The following ZC3H11A variants were observed in gnomAD, a reference collection of about 807,000 sequenced individuals.
The protein encoded by ZC3H11A is zinc finger CCCH domain-containing protein 11A.
A neutral mutation model predicts 90.8 loss-of-function variants in ZC3H11A; 22 were observed. That is an observed-to-expected ratio of 0.24 (90% CI 0.17 to 0.35). ZC3H11A has a LOEUF of 0.35. ZC3H11A is among the 10% of genes least tolerant of loss of function. ZC3H11A has a pLI of 1.00. For missense variants in ZC3H11A, 701 were observed against 964.9 expected (o/e 0.73, Z 3.62); for synonymous variants, 294 against 339.8 (o/e 0.87, Z 1.48).
At chr1:203,824,137 G>T (rs1288100733) in intron 4 of ZC3H11A, among the ~76,000 whole-genome samples, 1 of 151,964 alleles carries the variant, frequency 6.6e-6, no homozygotes, top group African/African-American at 2.4e-5. Context: ...GCGTGGTGAC[G>T]CAGCCATGTA....
At chr1:203,844,516 T>C (rs1309645127) in intron 12 of ZC3H11A, among the ~76,000 whole-genome samples, 1 of 152,254 alleles carries the variant, frequency 6.6e-6, no homozygotes, top group East Asian at 1.9e-4. Context: ...TTTAAAAGTT[T>C]GTGTATTATT....
At chr1:203,819,094 A>ACC in intron 4 of ZC3H11A, among the ~76,000 whole-genome samples, 1 of 52,546 alleles carries the variant, frequency 1.9e-5, no homozygotes, top group Non-Finnish European at 5.3e-5. Flanking sequence ...ATATATACAC[A>ACC]CACACACACA....
intron 5 of ZC3H11A, 139 bp downstream of exon 5, chr1:203,828,561 G>C: frequency 9.1e-7 from 1 of 1,095,504 alleles, no homozygotes; most frequent in South Asian, 1.6e-5. Flanking sequence ...TAAGTGAACT[G>C]AATCTTATTA....
intron 4 of ZC3H11A, among the ~76,000 whole-genome samples, chr1:203,819,529 AT>A (rs755259647): frequency 0.66 from 47,767 of 72,648 alleles, 14,569 homozygotes; most frequent in Middle Eastern, 0.76. Context: ...GCTGACTCCA[AT>A]TTTTTTTTTT....
chr1:203,797,820 G>C (rs762047262), intron 1 of ZC3H11A: 2 of 1,536,114 alleles, frequency 1.3e-6, no homozygotes, highest in Middle Eastern at 1.7e-4. Context: ...AGATGCCCCT[G>C]CTTTGTTAGC....
chr1:203,799,987 T>A, intron 1 of ZC3H11A: 1 of 1,536,122 alleles, frequency 6.5e-7, no homozygotes, highest in Non-Finnish European at 8.7e-7. Flanking sequence ...TGTCCCTCAG[T>A]TACAGTGGGA....
At chr1:203,850,265 T>C in intron 15 of ZC3H11A, 1 of 653,838 alleles carries the variant, frequency 1.5e-6, no homozygotes, top group Non-Finnish European at 2.6e-6. Flanking sequence ...GCATCTTTCC[T>C]CTGGTATTGA....
intron 2 of ZC3H11A, chr1:203,806,033 C>A: frequency 1.9e-6 from 1 of 539,970 alleles, no homozygotes; most frequent in South Asian, 1.6e-5. Flanking sequence ...GTGCGATTGT[C>A]CTGCTGCTGC....
chr1:203,814,972 G>A (rs1675776738), intron 2 of ZC3H11A: 1 of 151,966 alleles, frequency 6.6e-6, no homozygotes, highest in African/African-American at 2.4e-5. Context: ...TGGGACTACA[G>A]GTGTGTGCCA....
Position 203,818,668 on chromosome 1 carries a change from G to A in ZC3H11A, c.153G>A (p.Arg51=). The A allele has an allele frequency of 6.2e-7, 1 of 1,614,120 alleles. No individual in the cohort carries two copies. Among genetic ancestry groups the A allele is most frequent in the South Asian group, 1.1e-5 (1 of 91,082 alleles). Residue 51 remains arginine, a synonymous_variant, in exon 4 of 18, where the codon AGG becomes AGA. Transcript: ENST00000367210. ...QEGRCFRQVC[R]FRHMEIDKKR... is the part of the protein sequence containing the mutation. ...GGCGCTGTTTTCGACAGGTGTGCAG[G>A]TTTCGGCACATGGAGATTGATGTAA...
In ZC3H11A at chr1:203,802,734, T is replaced by C. The variant is rs946772760; in HGVS notation, c.-428T>C. 1.4e-5 allele frequency: 2 copies of C among 147,976 alleles called. No individual in the cohort carries two copies. The highest frequency in any genetic ancestry group is 3.1e-5 in the Non-Finnish European group (2 of 65,556). 9.2% of individuals were successfully genotyped at this position (147,976 alleles called of 1,614,324 possible). A position where few individuals can be genotyped will look rare whatever the true frequency, so the allele number is the denominator to read the frequency against. ...GAACTCTTTTTTTTTGTTTTTTTTT[T>C]GTTTTGTTTTGTTTTGTTTTTGAGG... On this transcript the variant is annotated 5_prime_UTR_variant, in exon 2 of 18. Coordinates refer to ENST00000367210, the MANE Select transcript of ZC3H11A (RefSeq NM_001376342.1).
chr1:203,843,731 C>G (rs1206674625), intron 12 of ZC3H11A, among the ~76,000 whole-genome samples: 5 of 152,176 alleles, frequency 3.3e-5, no homozygotes, highest in African/African-American at 9.7e-5. Context: ...TTTTAAATGG[C>G]TGATTTGGGG....
chr1:203,801,297 TA>T (rs1408723560), intron 1 of ZC3H11A: 2 of 152,182 alleles, frequency 1.3e-5, no homozygotes, highest in Non-Finnish European at 2.9e-5. Flanking sequence ...GTAATCTTTT[TA>T]AAAACATACT....
At chr1:203,812,967 A>G (rs765085746) in intron 2 of ZC3H11A, among the ~76,000 whole-genome samples, 73 of 152,150 alleles carry the variant, frequency 4.8e-4, no homozygotes, top group Non-Finnish European at 9.0e-4. Flanking sequence ...TTCCATCTGT[A>G]TACCTTCTTT....
chr1:203,804,852 T>TAA (rs1204215944), intron 2 of ZC3H11A, among the ~76,000 whole-genome samples: 2 of 151,934 alleles, frequency 1.3e-5, no homozygotes, highest in Admixed American at 6.6e-5. Flanking sequence ...TTTGTATTTT[T>TAA]AGTAGAGATG....
chr1:203,808,937 TCTC>T (rs1383521435), intron 2 of ZC3H11A, among the ~76,000 whole-genome samples: 2 of 152,022 alleles, frequency 1.3e-5, no homozygotes, highest in Non-Finnish European at 2.9e-5. Context: ...TTCAGGTGAT[TCTC>T]CTGCCTCAGC....
At chr1:203,817,617 T>C (rs1450132655) in intron 3 of ZC3H11A, among the ~76,000 whole-genome samples, 1 of 152,132 alleles carries the variant, frequency 6.6e-6, no homozygotes, top group Non-Finnish European at 1.5e-5. Context: ...TGGCTTAATC[T>C]TTGTCAAAAC....
intron 2 of ZC3H11A, among the ~76,000 whole-genome samples, chr1:203,809,490 T>C (rs976244212): frequency 2.0e-5 from 3 of 152,092 alleles, no homozygotes; most frequent in Admixed American, 1.3e-4. Context: ...TCTTTTTTCA[T>C]AGTGGTATGT....
chr1:203,829,773 T>G lies in ZC3H11A; in HGVS notation c.503-7T>G, dbSNP rs745347199. On this transcript the variant is annotated splice_region_variant and splice_polypyrimidine_tract_variant and intron_variant, in intron 6 of 17. Transcript: ENST00000367210. ...ATTGTGAATTTGCCTTAAATGTTGA[T>G]ATATAGATCAGTTTTCTGAGGAAGG... is the stretch of plus-strand genomic sequence containing the variant. The G allele has an allele frequency of 6.2e-7, 1 of 1,613,876 alleles. No individual in the cohort carries two copies. The highest frequency in any genetic ancestry group is 1.3e-5 in the African/African-American group (1 of 75,046).
Sources: gnomAD v4.1 joint callset for allele counts (sites outside exome capture counted in the v4.1 genomes callset) on GRCh38, gnomAD v4.1.1 for gene constraint, MANE v1.5 for transcripts, NCBI Gene and HGNC (gene_info 2026-07-23, HGNC 2026-07-21) for gene names.